Variants in DSCAM observed in about 807,000 individuals in gnomAD.
The protein encoded by DSCAM is DS cell adhesion molecule.
A neutral mutation model predicts 217.7 loss-of-function variants in DSCAM; 47 were observed. The observed-to-expected ratio is 0.22, with a 90% CI of 0.17 to 0.28. The LOEUF is 0.28. DSCAM is among the 10% of genes least tolerant of loss of function. The probability of loss-of-function intolerance (pLI) is 1.00; values close to 1 mark genes in which losing one functional copy is unlikely to be tolerated. For missense variants in DSCAM, 2,080 were observed against 2,618.3 expected (o/e 0.79, Z 4.49); for synonymous variants, 1,056 against 1,015.3 (o/e 1.04, Z -0.76).
At chr21:40,032,149 C>T (rs1169757675) in intron 32 of DSCAM, among the ~76,000 whole-genome samples, 3 of 152,186 alleles carry the variant, frequency 2.0e-5, no homozygotes, top group Non-Finnish European at 2.9e-5. Flanking sequence ...AAGCCCCCAG[C>T]TAGGGTTCTG....
chr21:40,339,094 T>A, intron 7 of DSCAM, 25 bp downstream of exon 7: 1 of 1,611,894 alleles, frequency 6.2e-7, no homozygotes. Flanking sequence ...TGTGTGTTTT[T>A]TTGAGGAGCT....
rs188647574 is a variant in DSCAM at position 40,598,983 on chromosome 21, C to T, written c.508+93827G>A. On this transcript the variant is annotated intron_variant, in intron 3 of 32. Coordinates refer to ENST00000400454, the MANE Select transcript of DSCAM (RefSeq NM_001389.5). ...GATCATCTTTTCATATCTTTATCTT[C>T]CACTTCTGTGTCTTCTTAGGTGAGG... Among the ~76,000 whole-genome samples, 436 of 152,216 alleles carry T rather than the reference C, an allele frequency of 2.9e-3. 1 individual carries two copies. Among genetic ancestry groups the T allele is most frequent in the Non-Finnish European group, 3.9e-3 (267 of 68,018 alleles).
At chr21:40,833,930 C>T (rs2092032688) in intron 1 of DSCAM, among the ~76,000 whole-genome samples, 1 of 151,980 alleles carries the variant, frequency 6.6e-6, no homozygotes, top group African/African-American at 2.4e-5. Context: ...TAGTGAGTGT[C>T]CCCTCCAGAT....
intron 11 of DSCAM, among the ~76,000 whole-genome samples, chr21:40,245,240 T>C (rs530262810): frequency 7.3e-4 from 111 of 152,332 alleles, no homozygotes; most frequent in Non-Finnish European, 1.4e-3. Flanking sequence ...AAATCAAAGC[T>C]GTGCATTTGG....
At chr21:40,263,281 T>C (rs1252484476) in intron 11 of DSCAM, among the ~76,000 whole-genome samples, 2 of 152,174 alleles carry the variant, frequency 1.3e-5, no homozygotes, top group East Asian at 3.8e-4. Context: ...ATTTTTGAAA[T>C]AGACAAAATC....
intron 3 of DSCAM, among the ~76,000 whole-genome samples, chr21:40,585,800 G>A (rs545302599): frequency 6.6e-6 from 1 of 152,260 alleles, no homozygotes; most frequent in South Asian, 2.1e-4. Context: ...GTTCCCATGA[G>A]AGTGCCCCTG....
intron 2 of DSCAM, among the ~76,000 whole-genome samples, chr21:40,700,735 C>CTTTTTTTTTTTTT (rs775869471): frequency 7.2e-6 from 1 of 137,968 alleles, no homozygotes; most frequent in Non-Finnish European, 1.6e-5. Flanking sequence ...TTCTTTCTTT[C>CTTTTTTTTTTTTT]TTTTTTTTTT....
intron 11 of DSCAM, among the ~76,000 whole-genome samples, chr21:40,241,038 G>C (rs764284739): frequency 3.3e-5 from 5 of 152,158 alleles, no homozygotes; most frequent in Non-Finnish European, 7.3e-5. Context: ...AAAAGCCCTG[G>C]AAGACAACCT....
At chr21:40,790,413 A>G (rs2091631739) in intron 1 of DSCAM, among the ~76,000 whole-genome samples, 1 of 151,984 alleles carries the variant, frequency 6.6e-6, no homozygotes, top group Admixed American at 6.6e-5. Flanking sequence ...ATCTTTCTCA[A>G]GCTTCTCGTA....
intron 11 of DSCAM, among the ~76,000 whole-genome samples, chr21:40,255,408 T>G (rs1429408453): frequency 6.6e-6 from 1 of 152,172 alleles, no homozygotes; most frequent in Non-Finnish European, 1.5e-5. Flanking sequence ...CAGTCCTTGC[T>G]CATAGCAATA....
chr21:40,048,064 T>C (rs573161116), intron 30 of DSCAM, among the ~76,000 whole-genome samples: 1 of 152,308 alleles, frequency 6.6e-6, no homozygotes, highest in Non-Finnish European at 1.5e-5. Flanking sequence ...GAAGTTCATA[T>C]TCACTACTCC....
At chr21:40,118,904 C>T (rs964286008) in intron 20 of DSCAM, among the ~76,000 whole-genome samples, 5 of 152,124 alleles carry the variant, frequency 3.3e-5, no homozygotes, top group Non-Finnish European at 5.9e-5. Flanking sequence ...TTGGAGCGTA[C>T]GTCATGGTCC....
At chr21:40,225,007 G>A (rs2091319321) in intron 11 of DSCAM, among the ~76,000 whole-genome samples, 1 of 152,168 alleles carries the variant, frequency 6.6e-6, no homozygotes, top group African/African-American at 2.4e-5. Flanking sequence ...AGGAGGTACT[G>A]TGCATGCTAC....
intron 1 of DSCAM, among the ~76,000 whole-genome samples, chr21:40,830,374 T>C (rs1014324700): frequency 1.3e-5 from 2 of 152,146 alleles, no homozygotes; most frequent in Non-Finnish European, 2.9e-5. Flanking sequence ...TCCTAATGGA[T>C]GGCGCCAAGC....
intron 3 of DSCAM, among the ~76,000 whole-genome samples, chr21:40,649,902 G>A (rs961744446): frequency 3.3e-5 from 5 of 152,204 alleles, no homozygotes; most frequent in Admixed American, 6.5e-5. Context: ...GAGAGAGACA[G>A]AGTAGAGTTT....
intron 3 of DSCAM, among the ~76,000 whole-genome samples, chr21:40,611,584 C>A (rs1293721391): frequency 1.3e-5 from 2 of 152,130 alleles, no homozygotes; most frequent in Non-Finnish European, 2.9e-5. Context: ...TGGTGCAGAT[C>A]CAGCATGTCT....
intron 32 of DSCAM, among the ~76,000 whole-genome samples, chr21:40,017,397 T>C (rs116320531): frequency 1.2e-3 from 188 of 152,252 alleles, no homozygotes; most frequent in African/African-American, 4.0e-3. Context: ...TGAGTAGTTA[T>C]ATGATTTCAC....
At chr21:40,411,626 G>A (rs62223837) in intron 3 of DSCAM, among the ~76,000 whole-genome samples, 1 of 151,982 alleles carries the variant, frequency 6.6e-6, no homozygotes, top group African/African-American at 2.4e-5. Flanking sequence ...CTCAACATAA[G>A]TTATAATAGC....
At chr21:40,097,492 C>G (rs1003894520) in intron 20 of DSCAM, among the ~76,000 whole-genome samples, 2 of 152,084 alleles carry the variant, frequency 1.3e-5, no homozygotes, top group Non-Finnish European at 2.9e-5. Context: ...AGTAGCACAA[C>G]AGCAGCAGAA....
Sources: allele counts gnomAD v4.1 joint callset (sites outside exome capture counted in the v4.1 genomes callset), GRCh38; gene constraint gnomAD v4.1.1; transcripts MANE v1.5; gene names NCBI Gene and HGNC (gene_info 2026-07-23, HGNC 2026-07-21).